ZNF385C: variants seen among roughly 807,000 people sequenced by gnomAD.
The protein encoded by ZNF385C is zinc finger protein 385C, also known as CTD-2132N18.2.
ZNF385C carries 28 observed loss-of-function variants against 35.4 expected under a neutral mutation model. That is an observed-to-expected ratio of 0.79 (90% confidence interval 0.59 to 1.08). The LOEUF (loss-of-function observed/expected upper bound fraction) is 1.08. ZNF385C is among the 50% of genes least tolerant of loss of function. ZNF385C has a pLI of 0.00. For synonymous variants in ZNF385C, 248 were observed against 248.2 expected (o/e 1.00, Z 0.01); for missense variants, 605 against 595.6 (o/e 1.02, Z -0.16).
chr17:42,067,874 C>T (rs769758051), intron 1 of ZNF385C, among the ~76,000 whole-genome samples: 1 of 152,152 alleles, frequency 6.6e-6, no homozygotes, highest in Non-Finnish European at 1.5e-5. Context: ...AGCTGCCTGC[C>T]CCGCCAGCAT....
chr17:42,096,834 C>A (rs1193839525), intron 1 of ZNF385C, among the ~76,000 whole-genome samples: 1 of 151,836 alleles, frequency 6.6e-6, no homozygotes, highest in African/African-American at 2.4e-5. Context: ...AAAGGCAACA[C>A]AAACAAGGTG....
chr17:42,080,816 C>A (rs1555659670), intron 1 of ZNF385C, among the ~76,000 whole-genome samples: 1 of 152,220 alleles, frequency 6.6e-6, no homozygotes, highest in African/African-American at 2.4e-5. Context: ...ACTGGTGCAG[C>A]TTCCAAGCAG....
intron 2 of ZNF385C, among the ~76,000 whole-genome samples, chr17:42,045,685 C>A (rs1389964314): frequency 6.6e-6 from 1 of 152,194 alleles, no homozygotes; most frequent in Admixed American, 6.5e-5. Context: ...TTCAGGCCCT[C>A]ACGGTATCAC....
chr17:42,088,378 G>A (rs1352560139), intron 1 of ZNF385C, among the ~76,000 whole-genome samples: 1 of 152,210 alleles, frequency 6.6e-6, no homozygotes, highest in African/African-American at 2.4e-5. Context: ...GGCCCGGGTG[G>A]GCGCAGTGCC....
Position 42,037,883 on chromosome 17 carries a change from C to A in ZNF385C, c.253G>T (p.Gly85Cys). Residue 85 changes from glycine to cysteine, a missense_variant and splice_region_variant, in exon 3 of 9, where the codon GGC (glycine) becomes TGC (cysteine). Coordinates refer to ENST00000692273, the MANE Select transcript of ZNF385C (RefSeq NM_001392013.1). ...GGGCTGGGGGCGCCGGAGGCCGGGC[C>A]TGCTGCAGGAGGAAGAAGGGCAGGG... ...SLGKSPSGPA[G>C]PASGAPSPLL... The A allele has an allele frequency of 6.5e-7, 1 of 1,529,292 alleles. No individual in the cohort carries two copies. The highest frequency in any genetic ancestry group is 8.8e-7 in the Non-Finnish European group (1 of 1,135,042). 94.7% of individuals were successfully genotyped at this position (1,529,292 alleles called of 1,614,324 possible).
chr17:42,098,226 G>A (rs1362647203), intron 1 of ZNF385C, among the ~76,000 whole-genome samples, 184 bp downstream of exon 1: 5 of 152,250 alleles, frequency 3.3e-5, no homozygotes, highest in African/African-American at 1.2e-4. Context: ...AACTGCCCCA[G>A]AGTTCAGTCC....
chr17:42,041,056 G>A (rs1234294641), intron 2 of ZNF385C: 21 of 1,232,228 alleles, frequency 1.7e-5, no homozygotes, highest in Non-Finnish European at 7.1e-6. Context: ...ATCACAGGGG[G>A]ACACTGAAGT....
intron 8 of ZNF385C, 143 bp from the exon 9 acceptor site, chr17:42,027,276 C>A (rs1473114837): frequency 2.7e-6 from 2 of 752,396 alleles, no homozygotes; most frequent in South Asian, 1.7e-5. Flanking sequence ...TTCCCACCCC[C>A]AAACATTCAT....
chr17:42,077,084 T>TCTTCAGCC (rs2053694177), intron 1 of ZNF385C, among the ~76,000 whole-genome samples: 1 of 152,212 alleles, frequency 6.6e-6, no homozygotes, highest in Admixed American at 6.5e-5. Flanking sequence ...TGTGGATGAC[T>TCTTCAGCC]CTTCAGCCCT....
intron 1 of ZNF385C, among the ~76,000 whole-genome samples, chr17:42,063,385 G>A (rs1232868475): frequency 1.3e-5 from 2 of 152,100 alleles, no homozygotes; most frequent in Non-Finnish European, 2.9e-5. Flanking sequence ...ATAATTTGCT[G>A]GGCATGGTGG....
chr17:42,080,364 G>C (rs1330026825), intron 1 of ZNF385C, among the ~76,000 whole-genome samples: 2 of 152,196 alleles, frequency 1.3e-5, no homozygotes, highest in East Asian at 3.9e-4. Context: ...ATTAAGATCT[G>C]TAAGTCTCCC....
chr17:42,097,022 C>G (rs554955293), intron 1 of ZNF385C, among the ~76,000 whole-genome samples: 82 of 151,028 alleles, frequency 5.4e-4, no homozygotes, highest in Non-Finnish European at 1.0e-3. Flanking sequence ...CCCCTGCTCG[C>G]TCTCACTCCC....
intron 2 of ZNF385C, chr17:42,039,984 C>G: frequency 8.1e-7 from 1 of 1,231,048 alleles, no homozygotes; most frequent in Non-Finnish European, 1.0e-6. Context: ...GCGCGCACGC[C>G]AGCTGGGTGC....
At chr17:42,067,703 G>A (rs531903134) in intron 1 of ZNF385C, among the ~76,000 whole-genome samples, 6 of 152,252 alleles carry the variant, frequency 3.9e-5, no homozygotes, top group African/African-American at 1.2e-4. Context: ...TCTAGATGGA[G>A]GTCATCACAG....
intron 2 of ZNF385C, among the ~76,000 whole-genome samples, chr17:42,057,618 AG>A (rs1436390473): frequency 6.6e-6 from 1 of 151,344 alleles, no homozygotes; most frequent in African/African-American, 2.4e-5. Flanking sequence ...AGGAGAGGCA[AG>A]GGGGTGAAAG....
intron 3 of ZNF385C, 60 bp downstream of exon 3, chr17:42,037,674 CCCA>C: frequency 6.9e-7 from 1 of 1,454,166 alleles, no homozygotes; most frequent in South Asian, 1.5e-5. Context: ...ACCCTCTGAA[CCCA>C]CCTTCTGTGC....
chr17:42,035,058 G>A (rs1555655305), intron 3 of ZNF385C, among the ~76,000 whole-genome samples: 2 of 130,774 alleles, frequency 1.5e-5, no homozygotes, highest in Admixed American at 9.1e-5. Flanking sequence ...GGCAGAGGTT[G>A]CAGTGAGCTG....
chr17:42,062,777 T>C, intron 2 of ZNF385C, 30 bp downstream of exon 2: 3 of 508,092 alleles, frequency 5.9e-6, no homozygotes, highest in South Asian at 2.8e-5. Context: ...CAAACCAAAT[T>C]TGTGGGAGCA....
At position 42,086,306 on chromosome 17, in the gene ZNF385C, C is replaced by A. The variant is rs141911180; in HGVS notation, c.-3+12104G>T. 3.3e-5 allele frequency among the ~76,000 whole-genome samples: 5 copies of A among 152,178 alleles called. No homozygotes were observed. In the East Asian group the frequency reaches 9.7e-4, roughly 29 times the overall value. On this transcript the variant is annotated intron_variant, in intron 1 of 8. Transcript: ENST00000692273. The stretch of plus-strand genomic sequence containing the variant: ...ACTCGGGAGGCCGAGGCACAAGAAT[C>A]GCTTCAACCAGGCAGGCAGAGGTTG...
Sources: gnomAD v4.1 joint callset for allele counts (sites outside exome capture counted in the v4.1 genomes callset) on GRCh38, gnomAD v4.1.1 for gene constraint, MANE v1.5 for transcripts, NCBI Gene and HGNC (gene_info 2026-07-23, HGNC 2026-07-21) for gene names.